The following HS6ST3 variants were observed in gnomAD, a reference collection of about 807,000 sequenced individuals.
HS6ST3 encodes heparan-sulfate 6-O-sulfotransferase 3.
Under a neutral mutation model 36.7 loss-of-function variants are expected in HS6ST3, and 12 were observed. The observed-to-expected ratio is 0.33, with a 90% confidence interval of 0.21 to 0.53. The LOEUF (loss-of-function observed/expected upper bound fraction) is 0.53, where lower values mean the gene tolerates loss of function less well. HS6ST3 is among the 20% of genes least tolerant of loss of function. HS6ST3 has a pLI of 0.95. For synonymous variants in HS6ST3, 240 were observed against 257.5 expected, an observed-to-expected ratio of 0.93 and a Z score of 0.65; for missense variants, 584 against 640.9, an observed-to-expected ratio of 0.91 and a Z score of 0.96.
At chr13:96,668,118 T>C (rs1330260629) in intron 1 of HS6ST3, among the ~76,000 whole-genome samples, 1 of 152,030 alleles carries the variant, frequency 6.6e-6, no homozygotes, top group East Asian at 1.9e-4. Context: ...ATGCCCATTT[T>C]GCAGATGAAA....
At chr13:96,453,068 A>T (rs1463414738) in intron 1 of HS6ST3, among the ~76,000 whole-genome samples, 1 of 152,070 alleles carries the variant, frequency 6.6e-6, no homozygotes, top group Non-Finnish European at 1.5e-5. Context: ...TGCTGTGCAC[A>T]CAAGGATTTG....
At chr13:96,279,662 T>G (rs1342538785) in intron 1 of HS6ST3, among the ~76,000 whole-genome samples, 2 of 152,220 alleles carry the variant, frequency 1.3e-5, no homozygotes, top group Non-Finnish European at 2.9e-5. Context: ...GCTCATCTAC[T>G]TTCTTACCTG....
intron 1 of HS6ST3, among the ~76,000 whole-genome samples, chr13:96,439,429 T>A (rs746739542): frequency 1.1e-4 from 17 of 152,230 alleles, no homozygotes; most frequent in Non-Finnish European, 2.2e-4. Context: ...AAGGGACATA[T>A]GTTTAGTGGT....
intron 1 of HS6ST3, among the ~76,000 whole-genome samples, chr13:96,593,727 A>G (rs560059083): frequency 2.0e-5 from 3 of 151,850 alleles, no homozygotes; most frequent in Non-Finnish European, 4.4e-5. Flanking sequence ...TTTGAGGTGC[A>G]TATATATTTA....
At chr13:96,495,037 C>T (rs1428460846) in intron 1 of HS6ST3, among the ~76,000 whole-genome samples, 1 of 152,200 alleles carries the variant, frequency 6.6e-6, no homozygotes, top group Non-Finnish European at 1.5e-5. Flanking sequence ...CCTCTGCCTT[C>T]CCAGATGCTT....
At chr13:96,621,319 T>C (rs2056494199) in intron 1 of HS6ST3, among the ~76,000 whole-genome samples, 1 of 152,174 alleles carries the variant, frequency 6.6e-6, no homozygotes, top group Non-Finnish European at 1.5e-5. Context: ...GTTTCTCCCA[T>C]GCTGTTCTCG....
intron 1 of HS6ST3, among the ~76,000 whole-genome samples, chr13:96,779,789 T>C (rs902039702): frequency 3.4e-5 from 5 of 146,172 alleles, no homozygotes; most frequent in Non-Finnish European, 6.0e-5. Context: ...AAAAAAAACA[T>C]TGTTCTTATT....
chr13:96,526,719 C>A (rs1182866497), intron 1 of HS6ST3, among the ~76,000 whole-genome samples: 1 of 152,104 alleles, frequency 6.6e-6, no homozygotes, highest in Non-Finnish European at 1.5e-5. Flanking sequence ...AGCTAATGTT[C>A]ATAAGTTTTT....
At chr13:96,810,628 G>T (rs1878298172) in intron 1 of HS6ST3, among the ~76,000 whole-genome samples, 1 of 152,180 alleles carries the variant, frequency 6.6e-6, no homozygotes, top group African/African-American at 2.4e-5. Context: ...AGTAAGTGGT[G>T]TCAAAGCTTG....
intron 1 of HS6ST3, among the ~76,000 whole-genome samples, chr13:96,807,309 AT>A (rs1878218132): frequency 6.6e-6 from 1 of 152,146 alleles, no homozygotes; most frequent in South Asian, 2.1e-4. Flanking sequence ...AAAAATTCAT[AT>A]CTTGAATTTC....
chr13:96,179,711 G>C (rs4773938), intron 1 of HS6ST3, among the ~76,000 whole-genome samples: 1 of 152,156 alleles, frequency 6.6e-6, no homozygotes. Context: ...AGTCTGTCTT[G>C]GATTATACTT....
At chr13:96,370,791 G>C in intron 1 of HS6ST3, among the ~76,000 whole-genome samples, 1 of 152,148 alleles carries the variant, frequency 6.6e-6, no homozygotes, top group East Asian at 1.9e-4. Context: ...AGGCTACTCG[G>C]GAGGCTGGGG....
At chr13:96,455,744 G>C (rs1002448751) in intron 1 of HS6ST3, among the ~76,000 whole-genome samples, 16 of 152,126 alleles carry the variant, frequency 1.1e-4, no homozygotes, top group African/African-American at 3.9e-4. Flanking sequence ...AAATAATTTA[G>C]AATTTTGACT....
At chr13:96,466,008 C>T (rs571484105) in intron 1 of HS6ST3, among the ~76,000 whole-genome samples, 6 of 152,096 alleles carry the variant, frequency 3.9e-5, no homozygotes, top group East Asian at 3.9e-4. Flanking sequence ...TCTTGTCCGG[C>T]ACGGTGGCTC....
At chr13:96,659,185 A>C (rs751009304) in intron 1 of HS6ST3, among the ~76,000 whole-genome samples, 4 of 152,182 alleles carry the variant, frequency 2.6e-5, no homozygotes, top group Non-Finnish European at 4.4e-5. Context: ...AACAAGTGGC[A>C]TTGTCAGCTT....
At chr13:96,465,380 A>G (rs1234692610) in intron 1 of HS6ST3, among the ~76,000 whole-genome samples, 1 of 152,202 alleles carries the variant, frequency 6.6e-6, no homozygotes, top group East Asian at 1.9e-4. Context: ...GGGAATACTC[A>G]TAGAAGGGAA....
chr13:96,116,772 G>C (rs934584849), intron 1 of HS6ST3, among the ~76,000 whole-genome samples: 1 of 152,222 alleles, frequency 6.6e-6, no homozygotes, highest in African/African-American at 2.4e-5. Context: ...GAGGACTAGA[G>C]AGAGAGGTGC....
At chr13:96,592,972 T>C (rs957157164) in intron 1 of HS6ST3, among the ~76,000 whole-genome samples, 1 of 152,058 alleles carries the variant, frequency 6.6e-6, no homozygotes, top group Non-Finnish European at 1.5e-5. Context: ...GATATTGATA[T>C]ATTTCTCTAG....
At chr13:96,652,123 T>C (rs1029570089) in intron 1 of HS6ST3, among the ~76,000 whole-genome samples, 2 of 152,086 alleles carry the variant, frequency 1.3e-5, no homozygotes, top group African/African-American at 4.8e-5. Flanking sequence ...CACATCTGTG[T>C]ATAAAATATA....
Sources: allele counts gnomAD v4.1 joint callset (sites outside exome capture counted in the v4.1 genomes callset), GRCh38; gene constraint gnomAD v4.1.1; transcripts MANE v1.5; gene names NCBI Gene and HGNC (gene_info 2026-07-23, HGNC 2026-07-21).